NUBPL: variants seen among roughly 807,000 people sequenced by gnomAD.
NUBPL encodes iron-sulfur cluster transfer protein NUBPL.
NUBPL carries 31 observed loss-of-function variants against 45.7 expected under a neutral mutation model. The ratio of observed to expected loss-of-function variants is 0.68; its 90% CI spans 0.51 to 0.92. The LOEUF is 0.92. Among genes scored for constraint, NUBPL ranks in the 40% least tolerant of loss-of-function variants. NUBPL has a pLI of 0.00. For synonymous variants in NUBPL, 144 were observed against 140.9 expected, an observed-to-expected ratio of 1.02 and a Z score of -0.15; for missense variants, 401 against 398.7, an observed-to-expected ratio of 1.01 and a Z score of -0.05.
At chr14:31,664,559 C>G (rs896839946) in intron 4 of NUBPL, among the ~76,000 whole-genome samples, 2 of 152,154 alleles carry the variant, frequency 1.3e-5, no homozygotes, top group African/African-American at 4.8e-5. Context: ...GTATGTTGAA[C>G]CAGCCTTGCA....
intron 10 of NUBPL, among the ~76,000 whole-genome samples, chr14:31,853,871 A>C (rs1316202040): frequency 6.6e-6 from 1 of 152,182 alleles, no homozygotes; most frequent in Non-Finnish European, 1.5e-5. Context: ...GCATCCCCGC[A>C]TGCTGGTATG....
chr14:31,572,761 G>T (rs2033621801), intron 3 of NUBPL, among the ~76,000 whole-genome samples: 1 of 152,068 alleles, frequency 6.6e-6, no homozygotes, highest in Non-Finnish European at 1.5e-5. Flanking sequence ...CTTCATTTTT[G>T]TATGAACTGC....
At chr14:31,572,214 A>C (rs919412022) in intron 3 of NUBPL, among the ~76,000 whole-genome samples, 1 of 151,702 alleles carries the variant, frequency 6.6e-6, no homozygotes, top group Non-Finnish European at 1.5e-5. Context: ...ATCTTGGCTC[A>C]CTGCAATCTC....
intron 4 of NUBPL, among the ~76,000 whole-genome samples, chr14:31,642,280 A>G (rs537380796): frequency 1.3e-5 from 2 of 152,208 alleles, no homozygotes; most frequent in African/African-American, 4.8e-5. Flanking sequence ...TGGAGCATTT[A>G]CTTAATGTTT....
intron 6 of NUBPL, among the ~76,000 whole-genome samples, chr14:31,720,794 A>G (rs1373344031): frequency 6.6e-6 from 1 of 152,166 alleles, no homozygotes; most frequent in Admixed American, 6.5e-5. Flanking sequence ...GCTAGTGGCT[A>G]TTGTGTTGGA....
intron 4 of NUBPL, among the ~76,000 whole-genome samples, chr14:31,645,419 T>C (rs1160289016): frequency 6.6e-6 from 1 of 152,202 alleles, no homozygotes; most frequent in African/African-American, 2.4e-5. Flanking sequence ...TCTTTGTCTC[T>C]TCAGCCACTT....
chr14:31,664,747 C>T (rs2036363429), intron 4 of NUBPL, among the ~76,000 whole-genome samples: 1 of 152,122 alleles, frequency 6.6e-6, no homozygotes, highest in South Asian at 2.1e-4. Flanking sequence ...TGATGCTGGC[C>T]TCATAAAATG....
At chr14:31,797,781 T>C (rs1340755569) in intron 7 of NUBPL, among the ~76,000 whole-genome samples, 1 of 143,630 alleles carries the variant, frequency 7.0e-6, no homozygotes, top group Non-Finnish European at 1.5e-5. Context: ...GTCATTATGA[T>C]GTTAGCTGGT....
intron 4 of NUBPL, among the ~76,000 whole-genome samples, chr14:31,635,969 A>G (rs1352817182): frequency 6.6e-6 from 1 of 152,220 alleles, no homozygotes; most frequent in Non-Finnish European, 1.5e-5. Context: ...GAAGTTACTT[A>G]TCAGCTTAAG....
chr14:31,608,013 A>G (rs1007589846), intron 4 of NUBPL, among the ~76,000 whole-genome samples: 2 of 152,252 alleles, frequency 1.3e-5, no homozygotes, highest in African/African-American at 4.8e-5. Flanking sequence ...AATAAATGAC[A>G]TACAATGGAG....
intron 7 of NUBPL, among the ~76,000 whole-genome samples, chr14:31,808,595 T>C (rs1007737552): frequency 9.9e-5 from 15 of 152,192 alleles, no homozygotes; most frequent in African/African-American, 2.9e-4. Flanking sequence ...CTTTTCCTAA[T>C]TGAATACCCT....
intron 6 of NUBPL, among the ~76,000 whole-genome samples, chr14:31,782,426 T>G (rs1194741573): frequency 6.6e-6 from 1 of 151,470 alleles, no homozygotes; most frequent in African/African-American, 2.4e-5. Flanking sequence ...AGAAACACCT[T>G]TTGGCACAGT....
intron 3 of NUBPL, among the ~76,000 whole-genome samples, chr14:31,567,760 G>C (rs1019993330): frequency 3.3e-5 from 5 of 152,134 alleles, no homozygotes; most frequent in Admixed American, 2.6e-4. Flanking sequence ...TTGTAATGTG[G>C]CTGTTGACCA....
intron 4 of NUBPL, among the ~76,000 whole-genome samples, chr14:31,660,533 C>T (rs920320910): frequency 1.3e-5 from 2 of 151,980 alleles, no homozygotes; most frequent in Non-Finnish European, 2.9e-5. Context: ...CTTCAAGATA[C>T]GAATACAGGT....
chr14:31,643,856 C>G (rs2035772903), intron 4 of NUBPL, among the ~76,000 whole-genome samples: 1 of 151,986 alleles, frequency 6.6e-6, no homozygotes, highest in African/African-American at 2.4e-5. Context: ...CTGTTTCTCC[C>G]TGGTTCAATC....
At chr14:31,639,968 A>T (rs2035635012) in intron 4 of NUBPL, among the ~76,000 whole-genome samples, 2 of 152,064 alleles carry the variant, frequency 1.3e-5, no homozygotes, top group South Asian at 4.2e-4. Flanking sequence ...GAGTGACCCG[A>T]TTTTCCAGGT....
chr14:31,822,203 A>G (rs577126505), intron 7 of NUBPL, among the ~76,000 whole-genome samples: 1 of 152,180 alleles, frequency 6.6e-6, no homozygotes, highest in African/African-American at 2.4e-5. Flanking sequence ...TATTGGTTAT[A>G]ACACAAAAGA....
At chr14:31,857,302 C>T (rs1343578389) in intron 10 of NUBPL, among the ~76,000 whole-genome samples, 3 of 152,154 alleles carry the variant, frequency 2.0e-5, no homozygotes, top group Non-Finnish European at 2.9e-5. Context: ...CCACACAACA[C>T]GGGGACTCTG....
chr14:31,841,005 T>C (rs1323411910), intron 8 of NUBPL, among the ~76,000 whole-genome samples: 1 of 152,242 alleles, frequency 6.6e-6, no homozygotes, highest in Non-Finnish European at 1.5e-5. Context: ...TGAGATTCAC[T>C]TATACTGCTG....
Sources: gnomAD v4.1 joint callset for allele counts (sites outside exome capture counted in the v4.1 genomes callset) on GRCh38, gnomAD v4.1.1 for gene constraint, MANE v1.5 for transcripts, NCBI Gene and HGNC (gene_info 2026-07-23, HGNC 2026-07-21) for gene names.